ARHGEF16: variants seen among roughly 807,000 people sequenced by gnomAD.
The protein encoded by ARHGEF16 is Rho guanine nucleotide exchange factor 16, also known as Rho guanine exchange factor (GEF) 16.
In ARHGEF16, 59 loss-of-function variants were observed where a neutral mutation model predicts 74.1. The observed-to-expected ratio is 0.80, with a 90% CI of 0.65 to 0.99. The LOEUF is 0.99. ARHGEF16 is among the 50% of genes least tolerant of loss of function. ARHGEF16 has a pLI of 0.00. For synonymous variants in ARHGEF16, 415 were observed against 412.6 expected (o/e 1.01, Z -0.07); for missense variants, 948 against 986.6 (o/e 0.96, Z 0.52).
In ARHGEF16 at chr1:3,477,912, A is replaced by G. The variant is rs368039398; in HGVS notation, c.1511A>G (p.Lys504Arg). Residue 504 changes from lysine (K) to arginine (R), a missense_variant, in exon 11 of 15, where the codon AAG (lysine) becomes AGG (arginine). By Grantham distance (26) the Lys-to-Arg change is conservative. Coordinates refer to ENST00000378378, the MANE Select transcript of ARHGEF16 (RefSeq NM_014448.4). ...PLISASRWLL[K>R]RGELFLVEET... ...ATCTCTGCCTCCCGGTGGCTGCTGA[A>G]GCGCGGAGAGCTGTTCTTAGTGGAA... The G allele has an allele frequency of 6.2e-7, 1 of 1,612,620 alleles. No homozygotes were observed. Among genetic ancestry groups the G allele is most frequent in the Admixed American group, 1.7e-5 (1 of 60,016 alleles).
rs1446965483 is a variant in ARHGEF16 at position 3,469,459 on chromosome 1, G to A, written c.888G>A (p.Glu296=). ...CCATGTTCGAGATCCTCACGTCGGAGTTCTCCTACCAGCACAGCCTGAGCA... is the reference window on the plus strand; with the variant it reads ...CCATGTTCGAGATCCTCACGTCGGAATTCTCCTACCAGCACAGCCTGAGCA... ...QEAMFEILTS[E]FSYQHSLSIL... is the part of the protein sequence containing the mutation. Residue 296 remains glutamate (E), a synonymous_variant, in exon 6 of 15, where the codon GAG becomes GAA. Coordinates refer to ENST00000378378, the MANE Select transcript of ARHGEF16 (RefSeq NM_014448.4). 4 of 1,613,046 alleles carry A rather than the reference G, an allele frequency of 2.5e-6. No individual in the cohort carries two copies. Among genetic ancestry groups the A allele is most frequent in the Admixed American group, 3.3e-5 (2 of 60,024 alleles).
intron 12 of ARHGEF16, 101 bp from the exon 13 acceptor site, chr1:3,479,416 T>A: frequency 6.6e-4 from 791 of 1,191,982 alleles, no homozygotes; most frequent in East Asian, 1.7e-3. Context: ...ACCACCCCCA[T>A]CTCCTTGCCA....
rs1483289649 is a variant in ARHGEF16, at chr1:3,467,151, C to T, written c.635-17C>T. 3 of 1,546,036 alleles carry T rather than the reference C, an allele frequency of 1.9e-6. No homozygotes were observed. The highest frequency in any genetic ancestry group is 1.4e-5 in the African/African-American group (1 of 72,960). On this transcript the variant is annotated splice_polypyrimidine_tract_variant and intron_variant, in intron 3 of 14. Coordinates refer to ENST00000378378, the MANE Select transcript of ARHGEF16 (RefSeq NM_014448.4). Reference sequence around the variant, plus strand: ...GCAATCCCCCAGGGCCACAGGTTACCCTCCTTCTCTCTCTAGACCCCCAGC... The same window carrying T: ...GCAATCCCCCAGGGCCACAGGTTACTCTCCTTCTCTCTCTAGACCCCCAGC...
intron 5 of ARHGEF16, 57 bp downstream of exon 5, chr1:3,468,993 G>C: frequency 6.5e-7 from 1 of 1,542,738 alleles, no homozygotes; most frequent in South Asian, 1.2e-5. Flanking sequence ...TGCAACACCC[G>C]GGGAGGGGCA....
chr1:3,466,146 A>G lies in ARHGEF16; in HGVS notation c.589-2A>G, dbSNP rs1226758359. The G allele has an allele frequency of 1.3e-6, 2 of 1,548,258 alleles. No individual in the cohort carries two copies. The highest frequency in any genetic ancestry group is 1.7e-6 in the Non-Finnish European group (2 of 1,145,974). On this transcript the variant is annotated splice_acceptor_variant, in intron 2 of 14. Transcript: ENST00000378378. LOFTEE classifies it high-confidence loss of function. The stretch of plus-strand genomic sequence containing the variant: ...CGGTTTCTGTGTCTCTCTTTTGTGC[A>G]GAAGACGCTGGGGAGGAAACGTGGG...
chr1:3,469,071 A>C, intron 5 of ARHGEF16, 135 bp downstream of exon 5: 2 of 1,135,512 alleles, frequency 1.8e-6, no homozygotes, highest in East Asian at 2.6e-5. Context: ...TGTCACGCTG[A>C]CCAGCGCCTC....
At chr1:3,467,375 C>T (rs1360283773) in intron 4 of ARHGEF16, 38 bp downstream of exon 4, 3 of 1,526,168 alleles carry the variant, frequency 2.0e-6, no homozygotes, top group East Asian at 2.5e-5. Flanking sequence ...CCCACAGAGG[C>T]AGGGAGAAGC....
intron 10 of ARHGEF16, among the ~76,000 whole-genome samples, 200 bp from the exon 11 acceptor site, chr1:3,477,675 C>G (rs766006131): frequency 4.0e-5 from 6 of 151,856 alleles, no homozygotes; most frequent in Non-Finnish European, 8.8e-5. Context: ...TGGCGCACCT[C>G]GATTTGAGGC....
At chr1:3,471,086 G>T (rs1401260465) in intron 6 of ARHGEF16, among the ~76,000 whole-genome samples, 1 of 146,926 alleles carries the variant, frequency 6.8e-6, no homozygotes, top group African/African-American at 2.6e-5. Context: ...ATGGGCAGGG[G>T]TGTGTGTGCG....
At chr1:3,464,011 G>A (rs1639475297) in intron 2 of ARHGEF16, among the ~76,000 whole-genome samples, 1 of 152,232 alleles carries the variant, frequency 6.6e-6, no homozygotes, top group South Asian at 2.1e-4. Context: ...CTGGATGATA[G>A]GGTTCAGGGT....
chr1:3,473,047 T>C (rs756443548), intron 6 of ARHGEF16, 31 bp from the exon 7 acceptor site: 7 of 1,604,374 alleles, frequency 4.4e-6, no homozygotes, highest in Non-Finnish European at 6.0e-6. Flanking sequence ...ACCAGGCCCG[T>C]GGCACCCTCC....
At chr1:3,463,782 C>T in intron 2 of ARHGEF16, 110 bp downstream of exon 2, 1 of 920,172 alleles carries the variant, frequency 1.1e-6, no homozygotes, top group Non-Finnish European at 1.5e-6. Flanking sequence ...CGTTAGTAAG[C>T]ACCTGCTGCA....
At chr1:3,465,751 T>C (rs928330838) in intron 2 of ARHGEF16, among the ~76,000 whole-genome samples, 1 of 152,190 alleles carries the variant, frequency 6.6e-6, no homozygotes, top group Non-Finnish European at 1.5e-5. Flanking sequence ...AGACCCATGC[T>C]TGGGGCTGGA....
At position 3,478,235 on chromosome 1, in the gene ARHGEF16, G is replaced by A. The variant is rs538390744; in HGVS notation, c.1626-189G>A. 9.4e-5 allele frequency: 84 copies of A among 897,060 alleles called. No individual in the cohort carries two copies. In the African/African-American group the frequency reaches 1.3e-3, roughly 14 times the overall value. The allele number at this position is 897,060 out of a possible 1,614,324, so 55.6% of individuals were successfully genotyped here. A position where few individuals can be genotyped will look rare whatever the true frequency, so the allele number is the denominator to read the frequency against. ...TGACCTCCTCTGCAGACCTGGGTCT[G>A]CCGGTGATAGCCACGAGGAGGACTC... On this transcript the variant is annotated intron_variant, in intron 11 of 14. Transcript: ENST00000378378.
rs1307279907 is a variant in ARHGEF16, at chr1:3,463,300, C to A, written c.216C>A (p.Val72=). The A allele has an allele frequency of 6.5e-7, 1 of 1,550,212 alleles. No homozygotes were observed. The highest frequency in any genetic ancestry group is 1.2e-5 in the South Asian group (1 of 84,060). The part of the protein sequence containing the change: ...PPGHEEPWPI[V]LSTESPAALK... ...GGCACGAGGAGCCATGGCCCATCGT[C>A]CTGAGCACAGAGAGCCCGGCGGCCC... The change falls in exon 2 of 15, where the codon GTC becomes GTA. Residue 72 remains valine, a synonymous_variant. Transcript: ENST00000378378.
At chr1:3,463,962 C>T (rs1463202357) in intron 2 of ARHGEF16, among the ~76,000 whole-genome samples, 1 of 152,228 alleles carries the variant, frequency 6.6e-6, no homozygotes, top group African/African-American at 2.4e-5. Flanking sequence ...TGGAAGGGCC[C>T]AGTCCCTGTT....
intron 8 of ARHGEF16, chr1:3,474,423 C>T (rs1639825676): frequency 4.7e-6 from 2 of 423,242 alleles, no homozygotes; most frequent in Admixed American, 3.6e-5. Flanking sequence ...CAGGGGGCCT[C>T]CACTGACGAT....
At chr1:3,463,030 C>T (rs879681188) in intron 1 of ARHGEF16, 36 bp from the exon 2 acceptor site, 1 of 1,390,366 alleles carries the variant, frequency 7.2e-7, no homozygotes, top group Non-Finnish European at 9.5e-7. Flanking sequence ...CAGGGGAGAG[C>T]AGCCTCACGA....
At chr1:3,476,567 G>C (rs1569875469) in intron 10 of ARHGEF16, among the ~76,000 whole-genome samples, 1 of 151,928 alleles carries the variant, frequency 6.6e-6, no homozygotes, top group Admixed American at 6.5e-5. Flanking sequence ...GGCAGCCCTA[G>C]TCCCTGCCAC....
Sources: gnomAD v4.1 joint callset for allele counts (sites outside exome capture counted in the v4.1 genomes callset) on GRCh38, gnomAD v4.1.1 for gene constraint, MANE v1.5 for transcripts, NCBI Gene and HGNC (gene_info 2026-07-23, HGNC 2026-07-21) for gene names.